The following NKAIN2 variants were observed in gnomAD, a reference collection of about 807,000 sequenced individuals.
NKAIN2 encodes the protein sodium/potassium-transporting ATPase subunit beta-1-interacting protein 2.
Under a neutral mutation model 32.6 loss-of-function variants are expected in NKAIN2, and 14 were observed. That is an observed-to-expected ratio of 0.43 (90% CI 0.28 to 0.67). NKAIN2 has a LOEUF of 0.67. NKAIN2 is among the 30% of genes least tolerant of loss of function. The pLI, the probability that NKAIN2 is intolerant of heterozygous loss-of-function variation, is 0.17. For missense variants in NKAIN2, 198 were observed against 258.3 expected, an observed-to-expected ratio of 0.77 and a Z score of 1.60; for synonymous variants, 80 against 87.2, an observed-to-expected ratio of 0.92 and a Z score of 0.46.
intron 3 of NKAIN2, among the ~76,000 whole-genome samples, chr6:124,637,356 T>G (rs1021865122): frequency 2.6e-5 from 4 of 151,896 alleles, no homozygotes; most frequent in Non-Finnish European, 4.4e-5. Context: ...CATTTTTACC[T>G]CTCTTATTCA....
At position 124,277,224 on chromosome 6, in the gene NKAIN2, T is replaced by C. The variant is rs370347568; in HGVS notation, c.55-5781T>C. ...AAATTAGCCATACTTGACTGGAATG[T>C]AAAAACAAACAAACGAATGTTAGCA... On this transcript the variant is annotated intron_variant, in intron 1 of 6. Transcript: ENST00000368417. Among the ~76,000 whole-genome samples, 76 of 152,218 alleles carry C rather than the reference T, an allele frequency of 5.0e-4. 1 individual carries two copies. The South Asian group carries it at 9.3e-3, about 19-fold the overall frequency.
intron 1 of NKAIN2, among the ~76,000 whole-genome samples, chr6:124,264,069 C>T (rs1322731097): frequency 6.6e-6 from 1 of 152,144 alleles, no homozygotes; most frequent in Admixed American, 6.5e-5. Context: ...TGTTAGACTT[C>T]CCCAGCTCAT....
At chr6:123,918,493 C>G (rs1454552812) in intron 1 of NKAIN2, among the ~76,000 whole-genome samples, 5 of 152,152 alleles carry the variant, frequency 3.3e-5, no homozygotes, top group Admixed American at 2.6e-4. Flanking sequence ...GGCAGAAATG[C>G]CCTTTTCATC....
At chr6:123,960,559 T>C (rs1370603992) in intron 1 of NKAIN2, among the ~76,000 whole-genome samples, 3 of 152,018 alleles carry the variant, frequency 2.0e-5, no homozygotes. Flanking sequence ...AGTCTTCACA[T>C]GGTTTCAACT....
In NKAIN2 at chr6:124,690,688, C is replaced by T. The variant is rs547367944; in HGVS notation, c.474+32302C>T. On this transcript the variant is annotated intron_variant, in intron 4 of 6. Transcript: ENST00000368417. Reference sequence around the variant, plus strand: ...TTTTGCCACAGTTTGGCTCTTAGTACGTATTCTTTCTCTACACTGTATCTC... The same window carrying T: ...TTTTGCCACAGTTTGGCTCTTAGTATGTATTCTTTCTCTACACTGTATCTC... Among the ~76,000 whole-genome samples, 24 of 152,162 alleles carry T rather than the reference C, an allele frequency of 1.6e-4. No individual in the cohort carries two copies. In the South Asian group the frequency reaches 3.7e-3, roughly 24 times the overall value.
intron 1 of NKAIN2, among the ~76,000 whole-genome samples, chr6:124,121,566 A>G (rs1244948860): frequency 6.6e-6 from 1 of 152,020 alleles, no homozygotes; most frequent in Non-Finnish European, 1.5e-5. Context: ...CAATTTTTGG[A>G]AGACACGTTC....
At chr6:123,915,632 G>T (rs1051155718) in intron 1 of NKAIN2, among the ~76,000 whole-genome samples, 1 of 152,100 alleles carries the variant, frequency 6.6e-6, no homozygotes, top group Non-Finnish European at 1.5e-5. Flanking sequence ...AGATATACAC[G>T]AGAGAAAATT....
intron 1 of NKAIN2, among the ~76,000 whole-genome samples, chr6:124,194,858 TA>T (rs1281597901): frequency 6.6e-6 from 1 of 152,130 alleles, no homozygotes; most frequent in Non-Finnish European, 1.5e-5. Flanking sequence ...CACTAAAGGA[TA>T]AAAGGCAAGA....
At chr6:124,737,334 C>T (rs1776998402) in intron 4 of NKAIN2, among the ~76,000 whole-genome samples, 2 of 151,768 alleles carry the variant, frequency 1.3e-5, no homozygotes. Flanking sequence ...GGCTTTTCCC[C>T]CTTTTGCTTG....
chr6:124,207,002 AAC>A (rs2114645672), intron 1 of NKAIN2, among the ~76,000 whole-genome samples: 1 of 151,928 alleles, frequency 6.6e-6, no homozygotes, highest in South Asian at 2.1e-4. Context: ...GTGGTCAAGA[AAC>A]ACAGTTTCAG....
At chr6:124,329,600 T>A (rs1797568313) in intron 2 of NKAIN2, among the ~76,000 whole-genome samples, 1 of 152,162 alleles carries the variant, frequency 6.6e-6, no homozygotes, top group South Asian at 2.1e-4. Flanking sequence ...CACCCCTGGA[T>A]CCACACATTC....
At chr6:123,962,194 C>T (rs1347284618) in intron 1 of NKAIN2, among the ~76,000 whole-genome samples, 2 of 152,104 alleles carry the variant, frequency 1.3e-5, no homozygotes, top group African/African-American at 4.8e-5. Context: ...ATTTTCAAAT[C>T]CTATTTACTC....
At chr6:124,432,746 A>G (rs332627) in intron 3 of NKAIN2, among the ~76,000 whole-genome samples, 32,234 of 152,070 alleles carry the variant, frequency 0.21, 3,758 homozygotes, top group Non-Finnish European at 0.26. Context: ...ACCAACAAGG[A>G]TCATTGGTCT....
intron 1 of NKAIN2, among the ~76,000 whole-genome samples, chr6:123,869,944 T>G (rs1772779347): frequency 6.6e-6 from 1 of 152,224 alleles, no homozygotes; most frequent in African/African-American, 2.4e-5. Context: ...TCCTCCATGC[T>G]GTCTTTTTGT....
chr6:123,925,592 A>C (rs1169431864), intron 1 of NKAIN2, among the ~76,000 whole-genome samples: 2 of 152,200 alleles, frequency 1.3e-5, no homozygotes, highest in Non-Finnish European at 2.9e-5. Context: ...ATTTAAAAAA[A>C]CAGTCATTTC....
At position 124,712,555 on chromosome 6, in the gene NKAIN2, T is replaced by C. The variant is rs913731158; in HGVS notation, c.474+54169T>C. 8.8e-5 allele frequency among the ~76,000 whole-genome samples: 11 copies of C among 125,058 alleles called. 2 individuals are homozygous for C. Among genetic ancestry groups the C allele is most frequent in the African/African-American group, 2.9e-4 (9 of 31,054 alleles). 82.0% of individuals were successfully genotyped at this position (125,058 alleles called of 152,430 possible). Reference sequence around the variant, plus strand: ...TTTTAAGCCCGTCGGAAAAGCGCAGTATTCGGGTGGGAGTGACCCGATTTT... The same window carrying C: ...TTTTAAGCCCGTCGGAAAAGCGCAGCATTCGGGTGGGAGTGACCCGATTTT... On this transcript the variant is annotated intron_variant, in intron 4 of 6. Transcript: ENST00000368417.
chr6:124,453,584 A>G (rs549689542), intron 3 of NKAIN2, among the ~76,000 whole-genome samples: 42 of 152,256 alleles, frequency 2.8e-4, no homozygotes, highest in African/African-American at 9.6e-4. Context: ...TTTTAAATTC[A>G]GAGACTATTA....
intron 1 of NKAIN2, among the ~76,000 whole-genome samples, chr6:123,900,724 C>CTT (rs1399302707): frequency 2.3e-4 from 35 of 151,600 alleles, no homozygotes; most frequent in Non-Finnish European, 1.5e-4. Flanking sequence ...ACTTTAAAAG[C>CTT]TTTTGGCTTG....
At chr6:123,951,333 T>C (rs1462576753) in intron 1 of NKAIN2, among the ~76,000 whole-genome samples, 1 of 152,028 alleles carries the variant, frequency 6.6e-6, no homozygotes, top group Non-Finnish European at 1.5e-5. Flanking sequence ...ATGTAAATGA[T>C]CTATCTAATA....
Sources: allele counts gnomAD v4.1 joint callset (sites outside exome capture counted in the v4.1 genomes callset), GRCh38; gene constraint gnomAD v4.1.1; transcripts MANE v1.5; gene names NCBI Gene and HGNC (gene_info 2026-07-23, HGNC 2026-07-21).